SMYD3: variants seen among roughly 807,000 people sequenced by gnomAD.
SMYD3 encodes histone-lysine N-methyltransferase SMYD3.
Under a neutral mutation model 57.7 loss-of-function variants are expected in SMYD3, and 36 were observed. That is an observed-to-expected ratio of 0.62 (90% CI 0.48 to 0.82). The LOEUF is 0.82. Among genes scored for constraint, SMYD3 ranks in the 40% least tolerant of loss-of-function variants. SMYD3 has a pLI of 0.00. For missense variants in SMYD3, 515 were observed against 538.8 expected (o/e 0.96, Z 0.44); for synonymous variants, 211 against 195.0 (o/e 1.08, Z -0.68).
rs114912647 is a variant in SMYD3, at chr1:246,234,868, T to C, written c.531+92333A>G. Among the ~76,000 whole-genome samples, 261 of 152,238 alleles carry C rather than the reference T, an allele frequency of 1.7e-3. 1 individual carries two copies. The highest frequency in any genetic ancestry group is 6.2e-3 in the African/African-American group (256 of 41,552). On this transcript the variant is annotated intron_variant, in intron 5 of 11. Coordinates refer to ENST00000490107, the MANE Select transcript of SMYD3 (RefSeq NM_001167740.2). Reference sequence around the variant, plus strand: ...ATTTAAATGTATCTCTTTAAACCAATTCAAAAGCAACATAGAGAGACTAAA... The same window carrying C: ...ATTTAAATGTATCTCTTTAAACCAACTCAAAAGCAACATAGAGAGACTAAA...
intron 1 of SMYD3, among the ~76,000 whole-genome samples, chr1:246,486,903 C>A (rs2068196563): frequency 6.6e-6 from 1 of 152,102 alleles, no homozygotes; most frequent in Admixed American, 6.6e-5. Context: ...CTTAGAGGAG[C>A]ATAACACTGT....
At chr1:246,217,938 G>T (rs1572227788) in intron 5 of SMYD3, among the ~76,000 whole-genome samples, 1 of 151,988 alleles carries the variant, frequency 6.6e-6, no homozygotes, top group Admixed American at 6.5e-5. Context: ...ATATATCCAA[G>T]AAAAACTCCT....
rs1392786963 is a variant in SMYD3 at position 246,355,638 on chromosome 1, G to A, written c.165-544C>T. 6.6e-6 allele frequency among the ~76,000 whole-genome samples: 1 copy of A among 152,126 alleles called. No individual in the cohort carries two copies. The highest frequency in any genetic ancestry group is 1.5e-5 in the Non-Finnish European group (1 of 68,024). ...GTGAGACCAGCCTTTAGGACTGCGG[G>A]CTGTGTGGGAGTGGGATGAGGCCTG... On this transcript the variant is annotated intron_variant, in intron 1 of 11. Transcript: ENST00000490107. The surrounding 1 kb of genome is among the most constrained non-coding windows in gnomAD (Gnocchi z 5.0).
intron 5 of SMYD3, among the ~76,000 whole-genome samples, chr1:246,115,866 T>C (rs1225406467): frequency 6.6e-6 from 1 of 152,096 alleles, no homozygotes; most frequent in African/African-American, 2.4e-5. Flanking sequence ...TGGCTGGGCG[T>C]AGTGGCTCAC....
intron 1 of SMYD3, among the ~76,000 whole-genome samples, 165 bp downstream of exon 1, chr1:246,506,889 C>T (rs1220910959): frequency 6.6e-6 from 1 of 152,180 alleles, no homozygotes; most frequent in East Asian, 1.9e-4. Flanking sequence ...GGCCTGTCAG[C>T]AGCGACCCGC....
At chr1:246,489,379 A>G (rs2068235429) in intron 1 of SMYD3, among the ~76,000 whole-genome samples, 1 of 152,112 alleles carries the variant, frequency 6.6e-6, no homozygotes, top group Admixed American at 6.6e-5. Context: ...AAAAAGAAGC[A>G]ATGCAATATT....
chr1:245,825,614 C>T (rs375078345), intron 10 of SMYD3, among the ~76,000 whole-genome samples: 4 of 152,264 alleles, frequency 2.6e-5, no homozygotes, highest in African/African-American at 7.2e-5. Context: ...TTTAAAAATG[C>T]CTTTGTGGGC....
chr1:246,505,343 A>C (rs968177747), intron 1 of SMYD3, among the ~76,000 whole-genome samples: 2 of 151,918 alleles, frequency 1.3e-5, no homozygotes, highest in African/African-American at 4.8e-5. Flanking sequence ...AATCCAAGAC[A>C]CTCACTGAGG....
intron 5 of SMYD3, among the ~76,000 whole-genome samples, chr1:246,093,759 T>C (rs1013936111): frequency 6.6e-6 from 1 of 152,194 alleles, no homozygotes; most frequent in Non-Finnish European, 1.5e-5. Context: ...TTTTTCAGTT[T>C]ATTTTTTTTT....
intron 5 of SMYD3, among the ~76,000 whole-genome samples, chr1:245,984,487 T>C (rs532333199): frequency 5.9e-5 from 9 of 152,352 alleles, no homozygotes; most frequent in African/African-American, 2.2e-4. Context: ...TGGATCCCAC[T>C]GTTCCTCTTC....
chr1:246,036,661 C>G (rs1043967847), intron 5 of SMYD3, among the ~76,000 whole-genome samples: 2 of 150,842 alleles, frequency 1.3e-5, no homozygotes, highest in Non-Finnish European at 3.0e-5. Context: ...TTACGCCATT[C>G]TCCTGCCTCA....
intron 5 of SMYD3, chr1:246,193,672 T>C (rs942950613): frequency 1.4e-4 from 21 of 152,292 alleles, no homozygotes; most frequent in African/African-American, 5.1e-4. Context: ...GCCTTACAGT[T>C]ACCTTAGACA....
chr1:245,956,223 G>T, intron 5 of SMYD3: 1 of 201,590 alleles, frequency 5.0e-6, no homozygotes, highest in Non-Finnish European at 8.8e-6. Context: ...CAGCCTCTTG[G>T]TATTTTCTAT....
At chr1:246,057,839 G>A (rs1467999170) in intron 5 of SMYD3, among the ~76,000 whole-genome samples, 1 of 152,166 alleles carries the variant, frequency 6.6e-6, no homozygotes, top group Non-Finnish European at 1.5e-5. Context: ...CCCCAAACTT[G>A]GAAGTAACCC....
chr1:245,778,183 A>G (rs1399171835), intron 10 of SMYD3, among the ~76,000 whole-genome samples: 2 of 152,234 alleles, frequency 1.3e-5, no homozygotes. Flanking sequence ...TCCAAAATTT[A>G]TATGGAAACA....
At chr1:246,110,966 G>A (rs927285706) in intron 5 of SMYD3, among the ~76,000 whole-genome samples, 4 of 152,044 alleles carry the variant, frequency 2.6e-5, no homozygotes, top group African/African-American at 9.7e-5. Flanking sequence ...TCTGCATTAG[G>A]ACATTTCTCC....
chr1:245,906,245 C>G (rs986565691), intron 8 of SMYD3, among the ~76,000 whole-genome samples: 1 of 152,186 alleles, frequency 6.6e-6, no homozygotes, highest in African/African-American at 2.4e-5. Flanking sequence ...AGCTACCCAT[C>G]TGACAAGGGG....
intron 2 of SMYD3, among the ~76,000 whole-genome samples, chr1:246,353,618 T>C (rs531021382): frequency 4.0e-4 from 61 of 152,182 alleles, no homozygotes; most frequent in Admixed American, 1.8e-3. Context: ...AAGAACAGAA[T>C]TTAGGTTTAA....
chr1:246,357,886 CA>C (rs1208538428), intron 1 of SMYD3, among the ~76,000 whole-genome samples: 1 of 152,036 alleles, frequency 6.6e-6, no homozygotes. Context: ...ACAGGACCTA[CA>C]TAACAATAAC....
Sources: gnomAD v4.1 joint callset for allele counts (sites outside exome capture counted in the v4.1 genomes callset) on GRCh38, gnomAD v4.1.1 for gene constraint, Gnocchi (gnomAD v3.1) non-coding constraint, MANE v1.5 for transcripts, NCBI Gene and HGNC (gene_info 2026-07-23, HGNC 2026-07-21) for gene names.